The following GAS7 variants were observed in gnomAD, a reference collection of about 807,000 sequenced individuals.
The protein encoded by GAS7 is growth arrest specific 7, also known as growth arrest-specific protein 7.
A neutral mutation model predicts 71.1 loss-of-function variants in GAS7; 28 were observed. That is an observed-to-expected ratio of 0.39 (90% CI 0.29 to 0.54). The LOEUF is 0.54. Among genes scored for constraint, GAS7 ranks in the 20% least tolerant of loss-of-function variants. The pLI is 0.62. For synonymous variants in GAS7, 258 were observed against 245.8 expected (o/e 1.05, Z -0.46); for missense variants, 436 against 627.8 (o/e 0.69, Z 3.27).
chr17:9,993,820 A>T (rs1401883239), intron 2 of GAS7, among the ~76,000 whole-genome samples: 1 of 151,814 alleles, frequency 6.6e-6, no homozygotes, highest in African/African-American at 2.4e-5. Flanking sequence ...CTGATAAGCA[A>T]CTTCAGCAAA....
intron 2 of GAS7, among the ~76,000 whole-genome samples, chr17:9,996,249 G>A (rs889471663): frequency 2.6e-5 from 4 of 152,068 alleles, no homozygotes; most frequent in Non-Finnish European, 5.9e-5. Context: ...CCATAAAAAA[G>A]GATGAGTTCA....
At chr17:10,101,485 G>A (rs1349554008) in intron 1 of GAS7, among the ~76,000 whole-genome samples, 1 of 152,194 alleles carries the variant, frequency 6.6e-6, no homozygotes, top group Non-Finnish European at 1.5e-5. Context: ...AAGGGGAAGG[G>A]ATTACACAAG....
At chr17:10,071,919 A>G (rs2073343242) in intron 1 of GAS7, among the ~76,000 whole-genome samples, 1 of 148,408 alleles carries the variant, frequency 6.7e-6, no homozygotes, top group Admixed American at 6.8e-5. Context: ...CCTGGGCAAC[A>G]GAGTGAGACT....
intron 1 of GAS7, among the ~76,000 whole-genome samples, chr17:10,134,816 T>C (rs771984306): frequency 1.3e-5 from 2 of 151,432 alleles, no homozygotes; most frequent in Non-Finnish European, 2.9e-5. Context: ...GGGGCAGTTC[T>C]GCACTCATAT....
chr17:10,021,449 CTT>C (rs375442480), intron 1 of GAS7, among the ~76,000 whole-genome samples: 4 of 152,356 alleles, frequency 2.6e-5, no homozygotes, highest in African/African-American at 9.6e-5. Context: ...TGCTCGGGGA[CTT>C]TGAGTAAACA....
chr17:9,918,040 G>A lies in GAS7; in HGVS notation c.1278C>T (p.Tyr426=). Residue 426 remains tyrosine (Y), a synonymous_variant, in exon 13 of 14, where the codon TAC becomes TAT. Coordinates refer to ENST00000432992, the MANE Select transcript of GAS7 (RefSeq NM_201433.2). The part of the protein sequence containing the change: ...VEMIRQHLCQ[Y]TQLRHETDMF... ...TGTCTGTTTCATGCCGCAGCTGCGT[G>A]TACTGGCACAGGTGCTGCCGGATCA... The A allele has an allele frequency of 6.2e-7, 1 of 1,613,836 alleles. No homozygotes were observed. The highest frequency in any genetic ancestry group is 8.5e-7 in the Non-Finnish European group (1 of 1,179,748).
At chr17:9,987,555 T>C (rs1303579709) in intron 2 of GAS7, among the ~76,000 whole-genome samples, 2 of 152,186 alleles carry the variant, frequency 1.3e-5, no homozygotes, top group Non-Finnish European at 2.9e-5. Flanking sequence ...GGGAGGCTGA[T>C]GCAATAGGAT....
At chr17:10,117,491 G>A (rs1249728541) in intron 1 of GAS7, among the ~76,000 whole-genome samples, 1 of 152,136 alleles carries the variant, frequency 6.6e-6, no homozygotes, top group Non-Finnish European at 1.5e-5. Context: ...AAGCATGCCT[G>A]GAACATTTAA....
At position 10,109,298 on chromosome 17, in the gene GAS7, C is replaced by T. The variant is rs1028181729; in HGVS notation, c.183+88910G>A. Among the ~76,000 whole-genome samples, 9 of 152,338 alleles carry T rather than the reference C, an allele frequency of 5.9e-5. 1 individual carries two copies. Among genetic ancestry groups the T allele is most frequent in the East Asian group, 1.9e-4 (1 of 5,194 alleles). Reference sequence around the variant, plus strand: ...AAAACCACAACGAGCTATCATCTTACGCCAGAGTTAGAACGGGTATGCCTG... The same window carrying T: ...AAAACCACAACGAGCTATCATCTTATGCCAGAGTTAGAACGGGTATGCCTG... On this transcript the variant is annotated intron_variant, in intron 1 of 13. Transcript: ENST00000432992.
At chr17:9,975,051 C>A (rs1455271254) in intron 3 of GAS7, among the ~76,000 whole-genome samples, 1 of 152,208 alleles carries the variant, frequency 6.6e-6, no homozygotes, top group Non-Finnish European at 1.5e-5. Context: ...TAATTTCACT[C>A]CTCAAAGTTA....
At chr17:10,158,092 GCT>G (rs534858098) in intron 1 of GAS7, among the ~76,000 whole-genome samples, 1 of 152,264 alleles carries the variant, frequency 6.6e-6, no homozygotes, top group African/African-American at 2.4e-5. Flanking sequence ...CTCACTGCAA[GCT>G]CTGCCTCCCA....
intron 2 of GAS7, among the ~76,000 whole-genome samples, chr17:9,990,281 A>G (rs1216344160): frequency 6.6e-6 from 1 of 152,176 alleles, no homozygotes; most frequent in Non-Finnish European, 1.5e-5. Flanking sequence ...AAAAAAAAGA[A>G]AAAAGAAGAA....
chr17:10,107,415 G>A (rs183729423), intron 1 of GAS7, among the ~76,000 whole-genome samples: 7 of 152,394 alleles, frequency 4.6e-5, no homozygotes, highest in African/African-American at 1.7e-4. Context: ...GTCCAGTGGT[G>A]GCAGGCTGGG....
intron 2 of GAS7, among the ~76,000 whole-genome samples, chr17:9,990,947 G>A (rs1439934932): frequency 1.3e-5 from 2 of 152,132 alleles, no homozygotes; most frequent in Non-Finnish European, 1.5e-5. Context: ...TTTTAACAAG[G>A]ACCATGTTAT....
intron 1 of GAS7, among the ~76,000 whole-genome samples, chr17:10,159,908 C>CGGGA: frequency 6.6e-6 from 1 of 151,906 alleles, no homozygotes; most frequent in African/African-American, 2.4e-5. Flanking sequence ...ACCTCAGTCT[C>CGGGA]CTGAGTAGCT....
At chr17:9,934,675 C>T (rs1452500964) in intron 8 of GAS7, among the ~76,000 whole-genome samples, 3 of 152,186 alleles carry the variant, frequency 2.0e-5, no homozygotes, top group African/African-American at 7.2e-5. Context: ...GGGGTGCAAG[C>T]ATCTGCTAAT....
intron 1 of GAS7, among the ~76,000 whole-genome samples, chr17:10,023,172 C>T (rs1367322328): frequency 6.6e-6 from 1 of 152,226 alleles, no homozygotes; most frequent in Non-Finnish European, 1.5e-5. Flanking sequence ...GGCCCATCTC[C>T]TAATGTGGCT....
chr17:10,093,806 G>A (rs56189958), intron 1 of GAS7, among the ~76,000 whole-genome samples: 2,550 of 152,042 alleles, frequency 0.017, 72 homozygotes, highest in African/African-American at 0.056. Flanking sequence ...ACACTACTAC[G>A]TATTTCATCT....
intron 1 of GAS7, among the ~76,000 whole-genome samples, chr17:10,145,431 G>A (rs542260957): frequency 1.2e-4 from 19 of 152,332 alleles, no homozygotes; most frequent in African/African-American, 3.4e-4. Context: ...CTCTCCAGGC[G>A]CTCACTGTCA....
Sources: gnomAD v4.1 joint callset for allele counts (sites outside exome capture counted in the v4.1 genomes callset) on GRCh38, gnomAD v4.1.1 for gene constraint, MANE v1.5 for transcripts, NCBI Gene and HGNC (gene_info 2026-07-23, HGNC 2026-07-21) for gene names.